Variants in CCDC178 observed in about 807,000 individuals in gnomAD.
The protein encoded by CCDC178 is coiled-coil domain-containing protein 178.
A neutral mutation model predicts 117.4 loss-of-function variants in CCDC178; 126 were observed. The observed-to-expected ratio is 1.07, with a 90% confidence interval of 0.93 to 1.24. The LOEUF (loss-of-function observed/expected upper bound fraction) is 1.24. CCDC178 is among the 50% of genes most tolerant of loss of function. The pLI, the probability that CCDC178 is intolerant of heterozygous loss-of-function variation, is 0.00. For missense variants in CCDC178, 1,030 were observed against 986.9 expected (o/e 1.04, Z -0.59); for synonymous variants, 283 against 313.4 (o/e 0.90, Z 1.02).
At chr18:33,222,957 T>TGTGA (rs1296750722) in intron 18 of CCDC178, 149 bp downstream of exon 18, 2 of 571,748 alleles carry the variant, frequency 3.5e-6, no homozygotes, top group Non-Finnish European at 6.1e-6. Flanking sequence ...ACTGTGTGTG[T>TGTGA]GTGAGTGTGT....
chr18:33,273,079 T>G (rs1355021228), intron 12 of CCDC178, among the ~76,000 whole-genome samples: 1 of 149,906 alleles, frequency 6.7e-6, no homozygotes, highest in African/African-American at 2.5e-5. Context: ...AATAAACATT[T>G]CCAGATTGAG....
At chr18:33,380,978 TA>T (rs201941191) in intron 5 of CCDC178, among the ~76,000 whole-genome samples, 1 of 23,230 alleles carries the variant, frequency 4.3e-5, no homozygotes, top group Non-Finnish European at 1.3e-3. Flanking sequence ...TCCCTCCATT[TA>T]ACCTCTTTTC....
chr18:32,983,792 T>C (rs1241900001), intron 21 of CCDC178, among the ~76,000 whole-genome samples: 3 of 152,072 alleles, frequency 2.0e-5, no homozygotes, highest in Non-Finnish European at 4.4e-5. Flanking sequence ...AGTGAAGGTA[T>C]GTGCATGCAA....
intron 22 of CCDC178, among the ~76,000 whole-genome samples, chr18:32,950,447 A>G (rs2054454931): frequency 6.6e-6 from 1 of 152,180 alleles, no homozygotes; most frequent in Admixed American, 6.5e-5. Context: ...ATTGTTCCAT[A>G]TGCTTTGTTC....
intron 21 of CCDC178, chr18:32,983,279 A>G (rs1194654303): frequency 6.6e-7 from 1 of 1,508,994 alleles, no homozygotes; most frequent in South Asian, 1.2e-5. Context: ...CATCACAGGT[A>G]CCTGAAAATT....
At chr18:33,053,178 C>T (rs935177208) in intron 21 of CCDC178, among the ~76,000 whole-genome samples, 2 of 152,182 alleles carry the variant, frequency 1.3e-5, no homozygotes, top group Admixed American at 1.3e-4. Context: ...GGTGTCTGGA[C>T]ATCAGCCTGA....
At chr18:33,309,442 T>C (rs527752361) in intron 11 of CCDC178, among the ~76,000 whole-genome samples, 1 of 152,166 alleles carries the variant, frequency 6.6e-6, no homozygotes, top group Non-Finnish European at 1.5e-5. Flanking sequence ...TACACATAAA[T>C]AGGATACATG....
At position 33,160,164 on chromosome 18, in the gene CCDC178, T is replaced by C. The variant is rs376962662; in HGVS notation, c.2238+51732A>G. Among the ~76,000 whole-genome samples, 37 of 152,236 alleles carry C rather than the reference T, an allele frequency of 2.4e-4. No homozygotes were observed. In the South Asian group the frequency reaches 7.5e-3, roughly 31 times the overall value. ...GAGTTTCTGCTTCAATGACTCAAGA[T>C]AGCTGGGAGGGAAACATCCATTCCA... On this transcript the variant is annotated intron_variant, in intron 20 of 22. Coordinates refer to ENST00000383096, the MANE Select transcript of CCDC178 (RefSeq NM_001105528.4).
At chr18:33,044,582 G>A (rs2056608650) in intron 21 of CCDC178, among the ~76,000 whole-genome samples, 1 of 151,964 alleles carries the variant, frequency 6.6e-6, no homozygotes, top group Non-Finnish European at 1.5e-5. Context: ...TGGTGGGAAT[G>A]TAAACTAATA....
chr18:33,371,406 A>C (rs2063297649), intron 5 of CCDC178, among the ~76,000 whole-genome samples: 1 of 151,962 alleles, frequency 6.6e-6, no homozygotes, highest in Admixed American at 6.6e-5. Flanking sequence ...CAATCTTATA[A>C]AATGGGATTA....
intron 16 of CCDC178, among the ~76,000 whole-genome samples, chr18:33,225,988 C>A (rs1462871715): frequency 6.6e-6 from 1 of 152,026 alleles, no homozygotes; most frequent in African/African-American, 2.4e-5. Context: ...ATGGAGAAAC[C>A]CTGTCTCTAC....
intron 20 of CCDC178, among the ~76,000 whole-genome samples, chr18:33,136,853 A>C (rs1377370074): frequency 6.6e-6 from 1 of 152,298 alleles, no homozygotes; most frequent in South Asian, 2.1e-4. Flanking sequence ...AATGGAAATA[A>C]ATTTTAAAAA....
At chr18:33,357,963 AT>A (rs1431724670) in intron 6 of CCDC178, among the ~76,000 whole-genome samples, 229 of 119,352 alleles carry the variant, frequency 1.9e-3, no homozygotes, top group African/African-American at 8.6e-3. Flanking sequence ...TGCGAACATC[AT>A]AAGAGTATAT....
intron 21 of CCDC178, 137 bp downstream of exon 21, chr18:33,092,624 A>T: frequency 2.0e-6 from 1 of 500,500 alleles, no homozygotes; most frequent in Middle Eastern, 4.9e-4. Context: ...TAAATATACA[A>T]CAAAACTACA....
intron 20 of CCDC178, among the ~76,000 whole-genome samples, chr18:33,150,635 C>T (rs1012871784): frequency 2.0e-5 from 3 of 152,030 alleles, no homozygotes; most frequent in Non-Finnish European, 4.4e-5. Context: ...TTCAACATCA[C>T]GAGATGTTGG....
At chr18:32,966,769 T>C (rs1311738697) in intron 22 of CCDC178, among the ~76,000 whole-genome samples, 1 of 151,822 alleles carries the variant, frequency 6.6e-6, no homozygotes, top group Non-Finnish European at 1.5e-5. Context: ...GATTTAAAAT[T>C]TGATATCTAG....
intron 10 of CCDC178, among the ~76,000 whole-genome samples, chr18:33,326,175 C>T (rs1171279160): frequency 1.3e-5 from 2 of 152,162 alleles, no homozygotes; most frequent in Non-Finnish European, 2.9e-5. Flanking sequence ...TAGGGGACAG[C>T]TTATGGGTGG....
At chr18:33,107,110 T>G (rs910890569) in intron 20 of CCDC178, among the ~76,000 whole-genome samples, 1 of 151,742 alleles carries the variant, frequency 6.6e-6, no homozygotes. Context: ...AGTCAGACTT[T>G]TGACCTACAG....
chr18:33,026,341 T>C (rs1282336385), intron 21 of CCDC178, among the ~76,000 whole-genome samples: 2 of 152,074 alleles, frequency 1.3e-5, no homozygotes, highest in African/African-American at 4.8e-5. Context: ...TTTTGCAAGA[T>C]GTTACCATTA....
Sources: allele counts gnomAD v4.1 joint callset (sites outside exome capture counted in the v4.1 genomes callset), GRCh38; gene constraint gnomAD v4.1.1; transcripts MANE v1.5; gene names NCBI Gene and HGNC (gene_info 2026-07-23, HGNC 2026-07-21).